Variants in SLC24A4 observed in about 807,000 individuals in gnomAD.
SLC24A4 encodes the protein sodium/potassium/calcium exchanger 4.
SLC24A4 carries 53 observed loss-of-function variants against 79.0 expected under a neutral mutation model. The observed-to-expected ratio is 0.67, with a 90% CI of 0.54 to 0.84. The LOEUF is 0.84. SLC24A4 is among the 40% of genes least tolerant of loss of function. SLC24A4 has a pLI of 0.00. For synonymous variants in SLC24A4, 323 were observed against 323.8 expected (o/e 1.00, Z 0.03); for missense variants, 731 against 822.0 (o/e 0.89, Z 1.35).
intron 12 of SLC24A4, among the ~76,000 whole-genome samples, chr14:92,465,472 A>G (rs2039424084): frequency 6.6e-6 from 1 of 152,142 alleles, no homozygotes; most frequent in South Asian, 2.1e-4. Context: ...CCAGTTGCAG[A>G]GCAGCCACAG....
intron 2 of SLC24A4, among the ~76,000 whole-genome samples, chr14:92,340,747 C>G (rs996095934): frequency 1.3e-5 from 2 of 152,042 alleles, no homozygotes. Context: ...AGAGGGGGCA[C>G]GGATCCCCCT....
intron 2 of SLC24A4, among the ~76,000 whole-genome samples, chr14:92,333,149 G>A (rs369665979): frequency 6.6e-6 from 1 of 152,102 alleles, no homozygotes; most frequent in East Asian, 1.9e-4. Flanking sequence ...GTTAGAGTGC[G>A]CTGGTGCGAT....
intron 2 of SLC24A4, among the ~76,000 whole-genome samples, chr14:92,340,754 C>T (rs1886095815): frequency 6.6e-6 from 1 of 152,080 alleles, no homozygotes; most frequent in Non-Finnish European, 1.5e-5. Flanking sequence ...GCACGGATCC[C>T]CCTAATTCTG....
At chr14:92,440,863 A>T (rs1892451792) in intron 4 of SLC24A4, among the ~76,000 whole-genome samples, 1 of 150,760 alleles carries the variant, frequency 6.6e-6, no homozygotes, top group Admixed American at 6.6e-5. Flanking sequence ...GAGGGAAGGG[A>T]AGGGAAGGGA....
At chr14:92,426,319 A>C (rs1891565362) in intron 2 of SLC24A4, among the ~76,000 whole-genome samples, 1 of 152,190 alleles carries the variant, frequency 6.6e-6, no homozygotes, top group Admixed American at 6.5e-5. Flanking sequence ...GCGTGTGTGG[A>C]GATCACATGG....
At chr14:92,388,092 C>T (rs1037924841) in intron 2 of SLC24A4, among the ~76,000 whole-genome samples, 5 of 137,792 alleles carry the variant, frequency 3.6e-5, no homozygotes, top group Non-Finnish European at 6.0e-5. Context: ...CATGGTAATT[C>T]TGTATTTAAT....
rs2139957918 is a variant in SLC24A4, at chr14:92,495,820, C to T, written c.*2192C>T. 6.6e-6 allele frequency: 1 copy of T among 152,274 alleles called. No individual in the cohort carries two copies. The highest frequency in any genetic ancestry group is 2.1e-4 in the South Asian group (1 of 4,824). The allele number at this position is 152,274 out of a possible 1,614,324, so 9.4% of individuals were successfully genotyped here. ...GGAGTGAGTGTGGGTATGACTTTAC[C>T]CTCCTGGTTGGTTCTTACTGTTTGA... On this transcript the variant is annotated 3_prime_UTR_variant, in exon 17 of 17. Coordinates refer to ENST00000532405, the MANE Select transcript of SLC24A4 (RefSeq NM_153646.4).
intron 3 of SLC24A4, among the ~76,000 whole-genome samples, chr14:92,439,092 C>T (rs970910538): frequency 2.6e-5 from 4 of 152,212 alleles, no homozygotes; most frequent in South Asian, 2.1e-4. Context: ...AGGAATGAGC[C>T]GCAGTGGCCT....
At chr14:92,347,577 C>T (rs1184795940) in intron 2 of SLC24A4, among the ~76,000 whole-genome samples, 2 of 152,196 alleles carry the variant, frequency 1.3e-5, no homozygotes, top group African/African-American at 4.8e-5. Flanking sequence ...AACATTGTTA[C>T]TTGGCTTTCA....
At chr14:92,379,814 T>G (rs1244331501) in intron 2 of SLC24A4, among the ~76,000 whole-genome samples, 1 of 152,108 alleles carries the variant, frequency 6.6e-6, no homozygotes, top group East Asian at 1.9e-4. Context: ...CATCGCACAC[T>G]GACCTTTCTG....
At chr14:92,486,829 G>A in intron 14 of SLC24A4, 49 bp downstream of exon 14, 1 of 1,369,952 alleles carries the variant, frequency 7.3e-7, no homozygotes, top group Non-Finnish European at 1.0e-6. Context: ...AGGCCACTGT[G>A]TCCTCGTCCC....
At position 92,493,784 on chromosome 14, in the gene SLC24A4, C is replaced by T; in HGVS notation, c.*156C>T. 1.1e-6 allele frequency: 1 copy of T among 904,762 alleles called. No homozygotes were observed. The highest frequency in any genetic ancestry group is 1.6e-6 in the Non-Finnish European group (1 of 612,142). The allele number at this position is 904,762 out of a possible 1,614,324, so 56.0% of individuals were successfully genotyped here. A position where few individuals can be genotyped will look rare whatever the true frequency, so the allele number is the denominator to read the frequency against. The stretch of plus-strand genomic sequence containing the variant: ...AAGAGCCATCGTGGTCTTTGTCTGG[C>T]CACAGGCCAGGCTGCTGGGCATCCT... On this transcript the variant is annotated 3_prime_UTR_variant, in exon 17 of 17. Transcript: ENST00000532405.
chr14:92,456,896 C>T (rs7140690), intron 12 of SLC24A4, among the ~76,000 whole-genome samples: 5,549 of 152,280 alleles, frequency 0.036, 338 homozygotes, highest in African/African-American at 0.13. Flanking sequence ...AGTGACCACA[C>T]TTAAATGTTC....
At chr14:92,374,763 A>G (rs761280868) in intron 2 of SLC24A4, among the ~76,000 whole-genome samples, 2 of 152,262 alleles carry the variant, frequency 1.3e-5, no homozygotes, top group Non-Finnish European at 2.9e-5. Context: ...TTACAGAACT[A>G]TAAAGTTAGG....
intron 14 of SLC24A4, among the ~76,000 whole-genome samples, chr14:92,487,193 A>G (rs937800714): frequency 6.6e-6 from 1 of 152,178 alleles, no homozygotes; most frequent in African/African-American, 2.4e-5. Flanking sequence ...TAGAACGTGT[A>G]TAATGTTTTG....
chr14:92,431,311 G>A (rs977146561), intron 2 of SLC24A4, among the ~76,000 whole-genome samples: 1 of 152,194 alleles, frequency 6.6e-6, no homozygotes, highest in Non-Finnish European at 1.5e-5. Context: ...TCGTAGGTGA[G>A]GGAACAGGCC....
Position 92,493,188 on chromosome 14 carries a change from C to T in SLC24A4, c.1717-288C>T, listed in dbSNP as rs576514372. On this transcript the variant is annotated intron_variant, in intron 16 of 16. Coordinates refer to ENST00000532405, the MANE Select transcript of SLC24A4 (RefSeq NM_153646.4). ...GGAGGACCACATGCCTACGACCAGC[C>T]GGGAGGAAGTGACGTGCCTGCCTGG... Among the ~76,000 whole-genome samples the T allele has an allele frequency of 7.0e-4, 107 of 152,226 alleles. No individual in the cohort carries two copies. In the South Asian group the frequency reaches 0.015, roughly 21 times the overall value.
chr14:92,323,026 A>C (rs553887608), upstream of SLC24A4, among the ~76,000 whole-genome samples: 3,214 of 152,128 alleles, frequency 0.021, 104 homozygotes, highest in African/African-American at 0.072. This position sits in a 1 kb window ranked among gnomAD's most constrained non-coding sequence, Gnocchi z 4.9. Flanking sequence ...TAGAGGTCCA[A>C]CTACTGAAGA....
chr14:92,414,766 C>T (rs1018503965), intron 2 of SLC24A4, among the ~76,000 whole-genome samples: 2 of 152,104 alleles, frequency 1.3e-5, no homozygotes, highest in Non-Finnish European at 1.5e-5. Context: ...AAAACAATCA[C>T]GTGGTTGCCA....
Sources: allele counts gnomAD v4.1 joint callset (sites outside exome capture counted in the v4.1 genomes callset), GRCh38; gene constraint gnomAD v4.1.1; non-coding constraint Gnocchi (gnomAD v3.1); transcripts MANE v1.5; gene names NCBI Gene and HGNC (gene_info 2026-07-23, HGNC 2026-07-21).